SON: variants seen among roughly 807,000 people sequenced by gnomAD.
The protein encoded by SON is SON DNA and RNA binding protein, also known as protein SON.
SON carries 4 observed loss-of-function variants against 173.3 expected under a neutral mutation model. The ratio of observed to expected loss-of-function variants is 0.02; its 90% CI spans 0.01 to 0.05. SON has a LOEUF of 0.05. Among genes scored for constraint, SON ranks in the 10% least tolerant of loss-of-function variants. SON has a pLI of 1.00. For synonymous variants in SON, 1,190 were observed against 1,105.9 expected (o/e 1.08, Z -1.51); for missense variants, 2,626 against 3,055.3 (o/e 0.86, Z 3.31).
chr21:33,549,655 T>A lies in SON; in HGVS notation c.424T>A (p.Ser142Thr). 6.2e-7 allele frequency: 1 copy of A among 1,610,572 alleles called. No individual in the cohort carries two copies. The highest frequency in any genetic ancestry group is 1.3e-5 in the African/African-American group (1 of 74,782). ...AGAAGAATCTGAGTCAAAGACGAAA[T>A]CTCATGATGATGGGAACATAGATTT... ...QPEESESKTK[S>T]HDDGNIDLES... Residue 142 changes from serine (S) to threonine (T), a missense_variant, in exon 3 of 12, where the codon TCT becomes ACT. Transcript: ENST00000356577.
At chr21:33,560,105 C>G in intron 6 of SON, 2 of 1,613,426 alleles carry the variant, frequency 1.2e-6, no homozygotes, top group South Asian at 2.2e-5. Context: ...TGCTTCAAGG[C>G]TCTATAGCTC....
At chr21:33,576,312 C>A (rs375965315) in intron 11 of SON, 53 bp from the exon 12 acceptor site, 13 of 864,298 alleles carry the variant, frequency 1.5e-5, no homozygotes, top group Non-Finnish European at 2.4e-5. Flanking sequence ...AAATACAAAG[C>A]TAATAGATAT....
At position 33,577,305 on chromosome 21, in the gene SON, T is replaced by A. The variant is rs557506569; in HGVS notation, c.*881T>A. ...TAATTAAAATGCTGTAACCAACTTA[T>A]CTAATAAAATTGGCAACCAGCCACT... On this transcript the variant is annotated 3_prime_UTR_variant, in exon 12 of 12. Transcript: ENST00000356577. 1 of 152,652 alleles carries A rather than the reference T, an allele frequency of 6.6e-6. No homozygotes were observed. The highest frequency in any genetic ancestry group is 1.9e-4 in the East Asian group (1 of 5,200). 9.5% of individuals were successfully genotyped at this position (152,652 alleles called of 1,614,324 possible). A position where few individuals can be genotyped will look rare whatever the true frequency, so the allele number is the denominator to read the frequency against.
intron 3 of SON, among the ~76,000 whole-genome samples, chr21:33,555,736 A>G (rs1322554436): frequency 6.6e-6 from 1 of 152,224 alleles, no homozygotes; most frequent in African/African-American, 2.4e-5. Context: ...TCAGATTGTT[A>G]TTGTATGTGT....
chr21:33,560,017 C>T (rs1437205293), intron 6 of SON: 1 of 1,614,070 alleles, frequency 6.2e-7, no homozygotes, highest in Non-Finnish European at 8.5e-7. Context: ...ACAGTGTTAT[C>T]ACATCCCTAC....
Position 33,553,510 on chromosome 21 carries a change from C to A in SON, c.4279C>A (p.Leu1427Ile). 1 of 1,614,216 alleles carries A rather than the reference C, an allele frequency of 6.2e-7. No homozygotes were observed. Among genetic ancestry groups the A allele is most frequent in the Non-Finnish European group, 8.5e-7 (1 of 1,180,034 alleles). Residue 1427 changes from leucine to isoleucine, a missense_variant, in exon 3 of 12, where the codon CTT becomes ATT. By Grantham distance (5) the Leu-to-Ile change is conservative. Transcript: ENST00000356577. ...TGTTCTGGAACCAGCGGTGTCAGTC[C>A]TTCAACCTTCTATGATTGTTTCAGA... ...VPVLEPAVSVLQPSMIVSEPS... is the reference protein window; with the variant it reads ...VPVLEPAVSVIQPSMIVSEPS...
chr21:33,553,516 C>T lies in SON; in HGVS notation c.4285C>T (p.Pro1429Ser). The change falls in exon 3 of 12, where the codon CCT becomes TCT. Residue 1429 changes from proline to serine, a missense_variant. By Grantham distance (74) the Pro-to-Ser change is moderately conservative (BLOSUM62 -1). Coordinates refer to ENST00000356577, the MANE Select transcript of SON (RefSeq NM_138927.4). The stretch of plus-strand genomic sequence containing the variant: ...GGAACCAGCGGTGTCAGTCCTTCAA[C>T]CTTCTATGATTGTTTCAGAACCATC... Reference protein sequence around the residue: ...VLEPAVSVLQPSMIVSEPSVS... With the variant: ...VLEPAVSVLQSSMIVSEPSVS... 1 of 1,614,198 alleles carries T rather than the reference C, an allele frequency of 6.2e-7. No homozygotes were observed. Among genetic ancestry groups the T allele is most frequent in the Non-Finnish European group, 8.5e-7 (1 of 1,180,032 alleles).
chr21:33,567,883 A>G (rs758630340), intron 7 of SON, among the ~76,000 whole-genome samples: 7 of 152,158 alleles, frequency 4.6e-5, no homozygotes, highest in Non-Finnish European at 7.3e-5. Context: ...ACTGTACTCC[A>G]GCCTGGGCAA....
chr21:33,553,776 T>C lies in SON; in HGVS notation c.4545T>C (p.Ala1515=), dbSNP rs1426215152. 12 of 1,614,046 alleles carry C rather than the reference T, an allele frequency of 7.4e-6. No homozygotes were observed. The highest frequency in any genetic ancestry group is 1.0e-5 in the Non-Finnish European group (12 of 1,179,980). Residue 1515 remains alanine, a synonymous_variant, in exon 3 of 12, where the codon GCT becomes GCC. Coordinates refer to ENST00000356577, the MANE Select transcript of SON (RefSeq NM_138927.4). The part of the protein sequence containing the change: ...IALHSGEEPH[A]EEHLKGDFYE... ...TGCATTCAGGTGAAGAACCACATGC[T>C]GAGGAACACCTGAAAGGTGACTTTT...
At position 33,543,049 on chromosome 21, in the gene SON, C is replaced by G; in HGVS notation, c.-44C>G. ...CCTCCTCCCGAGGCATGCTGGGAGCCTGGAGGACTAGCGAGGAGGAGTTGA... is the reference window on the plus strand; with the variant it reads ...CCTCCTCCCGAGGCATGCTGGGAGCGTGGAGGACTAGCGAGGAGGAGTTGA... On this transcript the variant is annotated 5_prime_UTR_variant, in exon 1 of 12. Coordinates refer to ENST00000356577, the MANE Select transcript of SON (RefSeq NM_138927.4). 6.3e-7 allele frequency: 1 copy of G among 1,590,136 alleles called. No homozygotes were observed. The highest frequency in any genetic ancestry group is 8.6e-7 in the Non-Finnish European group (1 of 1,157,974).
At position 33,559,687 on chromosome 21, in the gene SON, G is replaced by T; in HGVS notation, c.6569G>T (p.Ser2190Ile). 1 of 1,614,156 alleles carries T rather than the reference G, an allele frequency of 6.2e-7. No homozygotes were observed. The highest frequency in any genetic ancestry group is 8.5e-7 in the Non-Finnish European group (1 of 1,179,994). ...CAACATCGGAAAAAAGAAGCGGATA[G>T]TGTTTATGGAGAATGGGTTCCTGTG... Reference protein sequence around the residue: ...GSQHRKKEADSVYGEWVPVEK... With the variant: ...GSQHRKKEADIVYGEWVPVEK... Residue 2190 changes from serine to isoleucine, a missense_variant, in exon 6 of 12, where the codon AGT (serine) becomes ATT (isoleucine). Ser to Ile is a moderately radical substitution (Grantham distance 142). Around this residue, in one of 13 missense-constraint regions of SON, gnomAD observed 75 missense variants for 201.6 expected, o/e 0.37. Coordinates refer to ENST00000356577, the MANE Select transcript of SON (RefSeq NM_138927.4). The surrounding 1 kb of genome is among the most constrained non-coding windows in gnomAD (Gnocchi z 4.1).
intron 10 of SON, 47 bp downstream of exon 10, chr21:33,575,714 A>G: frequency 1.3e-6 from 2 of 1,577,750 alleles, no homozygotes; most frequent in Middle Eastern, 3.3e-4. Context: ...CCCACCTTGA[A>G]TTCATTATTT....
At chr21:33,557,731 A>C in intron 4 of SON, 1 of 1,418,156 alleles carries the variant, frequency 7.1e-7, no homozygotes. Flanking sequence ...TTGCCACCGG[A>C]GCTTGGAAAT....
At chr21:33,562,496 T>A (rs2086087836) in intron 6 of SON, among the ~76,000 whole-genome samples, 1 of 152,214 alleles carries the variant, frequency 6.6e-6, no homozygotes, top group South Asian at 2.1e-4. Flanking sequence ...GAATTAGCTT[T>A]GCTGTAATCC....
chr21:33,548,990 A>T (rs1005422248), intron 2 of SON, among the ~76,000 whole-genome samples: 1 of 152,178 alleles, frequency 6.6e-6, no homozygotes, highest in Non-Finnish European at 1.5e-5. Context: ...GGAAAGAATT[A>T]TCAGAAAAGT....
Position 33,551,722 on chromosome 21 carries a change from A to G in SON, c.2491A>G (p.Met831Val), listed in dbSNP as rs1443476498. The change falls in exon 3 of 12, where the codon ATG becomes GTG. Residue 831 changes from methionine (M) to valine (V), a missense_variant. Met to Val is a conservative substitution (Grantham distance 21). Around this residue, in one of 13 missense-constraint regions of SON, gnomAD observed 38 missense variants for 92.1 expected, o/e 0.41. Transcript: ENST00000356577. ...CTCCCAGATGTTAGCAACCAGCTCC[A>G]TGGACTCCCAGATGTTAGCAACCAG... ...MDSQMLATSS[M>V]DSQMLATSTM... The G allele has an allele frequency of 6.2e-7, 1 of 1,612,554 alleles. No individual in the cohort carries two copies. The highest frequency in any genetic ancestry group is 1.3e-5 in the African/African-American group (1 of 74,842).
chr21:33,543,463 C>T (rs1363776680), intron 1 of SON: 2 of 430,414 alleles, frequency 4.6e-6, no homozygotes, highest in East Asian at 9.3e-5. Flanking sequence ...TTTAGCTACT[C>T]GTAGGCCCGG....
Position 33,559,434 on chromosome 21 carries a change from A to G in SON, c.6468+58A>G. The stretch of plus-strand genomic sequence containing the variant: ...GTGTAACTTGTGGAACTATTTAAAT[A>G]AAACCCAAATCGAATTTAGTTTATT... On this transcript the variant is annotated intron_variant, in intron 5 of 11. Coordinates refer to ENST00000356577, the MANE Select transcript of SON (RefSeq NM_138927.4). The surrounding 1 kb of genome is among the most constrained non-coding windows in gnomAD (Gnocchi z 4.1). 6.5e-7 allele frequency: 1 copy of G among 1,530,422 alleles called. No individual in the cohort carries two copies. 94.8% of individuals were successfully genotyped at this position (1,530,422 alleles called of 1,614,324 possible). A position where few individuals can be genotyped will look rare whatever the true frequency, so the allele number is the denominator to read the frequency against.
chr21:33,549,665 A>G lies in SON; in HGVS notation c.434A>G (p.Asp145Gly), dbSNP rs1354851245. 1.2e-6 allele frequency: 2 copies of G among 1,611,790 alleles called. No homozygotes were observed. The highest frequency in any genetic ancestry group is 1.7e-4 in the Middle Eastern group (1 of 6,052). ...ESESKTKSHD[D>G]GNIDLESDSF... Reference sequence around the variant, plus strand: ...GAGTCAAAGACGAAATCTCATGATGATGGGAACATAGATTTAGAATCTGAT... The same window carrying G: ...GAGTCAAAGACGAAATCTCATGATGGTGGGAACATAGATTTAGAATCTGAT... Residue 145 changes from aspartate to glycine, a missense_variant, in exon 3 of 12, where the codon GAT becomes GGT. By Grantham distance (94) the Asp-to-Gly change is moderately conservative. This residue lies in a region of SON where 757 missense variants were observed against 730.1 expected (regional missense o/e 1.04). Transcript: ENST00000356577.
Sources: gnomAD v4.1 joint callset for allele counts (sites outside exome capture counted in the v4.1 genomes callset) on GRCh38, gnomAD v4.1.1 for gene constraint, gnomAD v4.1.1 regional missense constraint, Gnocchi (gnomAD v3.1) non-coding constraint, MANE v1.5 for transcripts, NCBI Gene and HGNC (gene_info 2026-07-23, HGNC 2026-07-21) for gene names.